EMCN: variants seen among roughly 807,000 people sequenced by gnomAD.
EMCN encodes the protein MUC-14.
In EMCN, 37 loss-of-function variants were observed where a neutral mutation model predicts 38.4. The ratio of observed to expected loss-of-function variants is 0.96; its 90% CI spans 0.74 to 1.27. The LOEUF is 1.27. EMCN is among the 50% of genes most tolerant of loss of function. EMCN has a pLI of 0.00. For synonymous variants in EMCN, 95 were observed against 100.8 expected (o/e 0.94, Z 0.35); for missense variants, 318 against 302.8 (o/e 1.05, Z -0.37).
intron 4 of EMCN, among the ~76,000 whole-genome samples, chr4:100,455,283 T>C (rs1016347803): frequency 1.3e-5 from 2 of 152,140 alleles, no homozygotes; most frequent in African/African-American, 4.8e-5. Context: ...TACATTTTTG[T>C]TATTTTATCT....
At position 100,448,836 on chromosome 4, in the gene EMCN, C is replaced by T. The variant is rs983114507; in HGVS notation, c.377-1265G>A. On this transcript the variant is annotated intron_variant, in intron 4 of 11. Coordinates refer to ENST00000296420, the MANE Select transcript of EMCN (RefSeq NM_016242.4). The stretch of plus-strand genomic sequence containing the variant: ...CCTTCCTTCCTTCCTCCCTCCCTCC[C>T]TCCCTCCCTTCCTTGCTTTCTGGCT... Among the ~76,000 whole-genome samples the T allele has an allele frequency of 8.4e-3, 1,233 of 147,408 alleles. 80 individuals carry two copies. The highest frequency in any genetic ancestry group is 0.029 in the African/African-American group (1,157 of 39,610).
At chr4:100,501,856 T>G (rs972230307) in intron 1 of EMCN, among the ~76,000 whole-genome samples, 3 of 98,992 alleles carry the variant, frequency 3.0e-5, no homozygotes, top group Admixed American at 1.0e-4. Flanking sequence ...TTCTAGTGGG[T>G]TTTTTTTTTT....
At chr4:100,497,635 CA>C (rs1729245284) in intron 1 of EMCN, among the ~76,000 whole-genome samples, 1 of 152,122 alleles carries the variant, frequency 6.6e-6, no homozygotes. Context: ...CTCAGCCTCC[CA>C]AAGTTCTGGG....
In EMCN at chr4:100,501,655, CTT is replaced by C. The variant is rs1403586941; in HGVS notation, c.64+16194_64+16195del. Among the ~76,000 whole-genome samples, 3 of 152,018 alleles carry C rather than the reference CTT, an allele frequency of 2.0e-5. No individual in the cohort carries two copies. The East Asian group carries it at 5.8e-4, about 29-fold the overall frequency. On this transcript the variant is annotated intron_variant, in intron 1 of 11. Coordinates refer to ENST00000296420, the MANE Select transcript of EMCN (RefSeq NM_016242.4). Reference sequence around the variant, plus strand: ...TTTCTTTATTTCAAGTTTTCTTTAACTTTTCAATAAAGTGTTATAATTATTCT... The same window carrying C: ...TTTCTTTATTTCAAGTTTTCTTTAACTTCAATAAAGTGTTATAATTATTCT...
At chr4:100,436,833 G>A (rs1388293622) in intron 5 of EMCN, among the ~76,000 whole-genome samples, 1 of 152,142 alleles carries the variant, frequency 6.6e-6, no homozygotes, top group Non-Finnish European at 1.5e-5. Context: ...GACACATGGG[G>A]CGGGGGACAA....
At chr4:100,490,547 G>A (rs1038529276) in intron 1 of EMCN, among the ~76,000 whole-genome samples, 1 of 152,116 alleles carries the variant, frequency 6.6e-6, no homozygotes, top group African/African-American at 2.4e-5. Flanking sequence ...CTATACAGGT[G>A]TACTGTTTTT....
intron 4 of EMCN, among the ~76,000 whole-genome samples, chr4:100,453,428 T>C (rs939168830): frequency 1.6e-4 from 24 of 152,272 alleles, no homozygotes; most frequent in African/African-American, 5.3e-4. Flanking sequence ...AAATTGCTCA[T>C]CATCACTGGC....
intron 5 of EMCN, among the ~76,000 whole-genome samples, chr4:100,441,703 T>C (rs1170836656): frequency 6.6e-6 from 1 of 152,168 alleles, no homozygotes; most frequent in Non-Finnish European, 1.5e-5. Context: ...GAATCTTCCA[T>C]AAAACACCTT....
Position 100,440,757 on chromosome 4 carries a change from C to T in EMCN, c.415+6776G>A, listed in dbSNP as rs538880553. Among the ~76,000 whole-genome samples the T allele has an allele frequency of 1.8e-4, 27 of 152,010 alleles. 2 individuals carry two copies. Among genetic ancestry groups the T allele is most frequent in the African/African-American group, 3.9e-4 (16 of 41,480 alleles). Reference sequence around the variant, plus strand: ...ATGCGCAAGTGTATTTTTAATATGACGACTTCTTTTCCTTTGGGTTGACAT... The same window carrying T: ...ATGCGCAAGTGTATTTTTAATATGATGACTTCTTTTCCTTTGGGTTGACAT... On this transcript the variant is annotated intron_variant, in intron 5 of 11. Coordinates refer to ENST00000296420, the MANE Select transcript of EMCN (RefSeq NM_016242.4).
At chr4:100,499,615 A>T (rs566351033) in intron 1 of EMCN, among the ~76,000 whole-genome samples, 2 of 152,364 alleles carry the variant, frequency 1.3e-5, no homozygotes, top group South Asian at 4.1e-4. Flanking sequence ...CATTGTAAGC[A>T]AGCTTCAGTT....
intron 3 of EMCN, among the ~76,000 whole-genome samples, chr4:100,473,026 T>A (rs1458212332): frequency 1.6e-4 from 23 of 146,402 alleles, no homozygotes; most frequent in African/African-American, 2.5e-4. Context: ...TATATATTTT[T>A]TTTTTTTGAG....
chr4:100,442,212 A>G (rs1727541811), intron 5 of EMCN, among the ~76,000 whole-genome samples: 1 of 152,174 alleles, frequency 6.6e-6, no homozygotes, highest in Non-Finnish European at 1.5e-5. Flanking sequence ...TAAATATATT[A>G]TTCAATCTCT....
intron 1 of EMCN, among the ~76,000 whole-genome samples, chr4:100,499,738 G>T (rs1729299706): frequency 6.6e-6 from 1 of 152,178 alleles, no homozygotes; most frequent in Non-Finnish European, 1.5e-5. Flanking sequence ...CTTGGGGTCA[G>T]TTTTCAATTT....
intron 3 of EMCN, among the ~76,000 whole-genome samples, chr4:100,473,171 C>T (rs1392785518): frequency 1.3e-5 from 2 of 149,700 alleles, no homozygotes; most frequent in East Asian, 2.0e-4. Context: ...CGTGCCACCA[C>T]GCCCAGTAAA....
At chr4:100,409,383 G>A (rs1234568228) in intron 11 of EMCN, among the ~76,000 whole-genome samples, 1 of 152,152 alleles carries the variant, frequency 6.6e-6, no homozygotes, top group African/African-American at 2.4e-5. Context: ...GAAAGTAAAA[G>A]TCAATCCCAT....
At chr4:100,411,839 G>A (rs540030751) in intron 10 of EMCN, among the ~76,000 whole-genome samples, 33 of 152,270 alleles carry the variant, frequency 2.2e-4, no homozygotes, top group African/African-American at 7.9e-4. Context: ...AGTCAAGGAA[G>A]CTTTGGTGGA....
At chr4:100,423,519 C>A in intron 5 of EMCN, 115 bp from the exon 6 acceptor site, 2 of 694,654 alleles carry the variant, frequency 2.9e-6, no homozygotes, top group South Asian at 1.7e-5. Flanking sequence ...TATTTATTGT[C>A]AAATAGTAGG....
chr4:100,427,675 A>T (rs938415427), intron 5 of EMCN, among the ~76,000 whole-genome samples: 1 of 151,804 alleles, frequency 6.6e-6, no homozygotes, highest in African/African-American at 2.4e-5. Flanking sequence ...TTATTTGGAG[A>T]TTTCATTCAA....
At chr4:100,476,568 TA>T (rs1376881681) in intron 2 of EMCN, among the ~76,000 whole-genome samples, 1 of 152,190 alleles carries the variant, frequency 6.6e-6, no homozygotes, top group African/African-American at 2.4e-5. Context: ...TTTGAGTCAA[TA>T]AATGTTTATA....
Sources: allele counts gnomAD v4.1 joint callset (sites outside exome capture counted in the v4.1 genomes callset), GRCh38; gene constraint gnomAD v4.1.1; transcripts MANE v1.5; gene names NCBI Gene and HGNC (gene_info 2026-07-23, HGNC 2026-07-21).